GRM5: variants seen among roughly 807,000 people sequenced by gnomAD.
GRM5 encodes the protein glutamate metabotropic receptor 5, also known as metabotropic glutamate receptor 5.
A neutral mutation model predicts 83.1 loss-of-function variants in GRM5; 19 were observed. That is an observed-to-expected ratio of 0.23 (90% CI 0.16 to 0.34). The LOEUF is 0.34. Among genes scored for constraint, GRM5 ranks in the 10% least tolerant of loss-of-function variants. The pLI is 1.00. For synonymous variants in GRM5, 675 were observed against 633.6 expected (o/e 1.07, Z -0.98); for missense variants, 1,160 against 1,588.3 (o/e 0.73, Z 4.58).
At chr11:88,568,096 C>T (rs572076984) in intron 7 of GRM5, 104 bp from the exon 8 acceptor site, 1 of 663,158 alleles carries the variant, frequency 1.5e-6, no homozygotes, top group Non-Finnish European at 2.6e-6. Flanking sequence ...AGTTTGTTCC[C>T]CATCTACCTT....
intron 3 of GRM5, among the ~76,000 whole-genome samples, chr11:88,840,150 C>CT (rs1023524209): frequency 1.1e-4 from 17 of 150,706 alleles, no homozygotes; most frequent in Admixed American, 2.6e-4. Context: ...GCATTTTTGC[C>CT]TTTTTTTTTC....
chr11:88,866,330 G>A (rs556074882), intron 2 of GRM5, among the ~76,000 whole-genome samples: 12 of 151,930 alleles, frequency 7.9e-5, no homozygotes, highest in South Asian at 2.1e-4. Context: ...GCATGTTCTC[G>A]CTCATAAATG....
chr11:88,636,239 C>T (rs6483326), intron 4 of GRM5, among the ~76,000 whole-genome samples: 86,687 of 152,126 alleles, frequency 0.57, 27,894 homozygotes, highest in South Asian at 0.81. Flanking sequence ...CTGCCAGGCA[C>T]GGTGGCTCAC....
At chr11:88,842,018 AT>A (rs541107507) in intron 3 of GRM5, among the ~76,000 whole-genome samples, 381 of 152,276 alleles carry the variant, frequency 2.5e-3, no homozygotes, top group Non-Finnish European at 4.0e-3. Flanking sequence ...ACTGCAGTTA[AT>A]TTTATGCAGT....
At chr11:88,551,614 G>C (rs1942510636) in intron 8 of GRM5, among the ~76,000 whole-genome samples, 1 of 152,110 alleles carries the variant, frequency 6.6e-6, no homozygotes, top group Admixed American at 6.6e-5. Flanking sequence ...CATTTTAGTA[G>C]ATTTTAGAGC....
intron 1 of GRM5, among the ~76,000 whole-genome samples, chr11:89,057,025 TATA>T (rs1941891553): frequency 6.6e-6 from 1 of 152,218 alleles, no homozygotes; most frequent in Non-Finnish European, 1.5e-5. Flanking sequence ...ATCTACACTA[TATA>T]ATCAGATTCA....
intron 8 of GRM5, among the ~76,000 whole-genome samples, chr11:88,547,013 T>C (rs993507485): frequency 6.6e-6 from 1 of 152,144 alleles, no homozygotes; most frequent in Non-Finnish European, 1.5e-5. Flanking sequence ...AGATATATGA[T>C]ATTCAATTGT....
chr11:88,745,550 T>C (rs1014300854), intron 3 of GRM5, among the ~76,000 whole-genome samples: 6 of 152,268 alleles, frequency 3.9e-5, no homozygotes, highest in African/African-American at 1.2e-4. Context: ...GCTGAGCAGT[T>C]CGTTTGGACC....
intron 3 of GRM5, among the ~76,000 whole-genome samples, chr11:88,745,061 G>T (rs1942104981): frequency 6.6e-6 from 1 of 151,986 alleles, no homozygotes; most frequent in South Asian, 2.1e-4. Flanking sequence ...ATATACCGTA[G>T]AATTGTTAAG....
chr11:88,572,891 CAT>C (rs1268702488), intron 7 of GRM5, among the ~76,000 whole-genome samples: 1 of 152,068 alleles, frequency 6.6e-6, no homozygotes, highest in East Asian at 1.9e-4. Flanking sequence ...ATCAATTTAG[CAT>C]ATGTTATTAT....
intron 3 of GRM5, among the ~76,000 whole-genome samples, chr11:88,693,964 C>A (rs1591445029): frequency 1.3e-5 from 2 of 152,122 alleles, no homozygotes; most frequent in Non-Finnish European, 2.9e-5. Flanking sequence ...AGAAAAATGT[C>A]ATGATTAAGA....
intron 5 of GRM5, among the ~76,000 whole-genome samples, chr11:88,599,749 C>G (rs1468438856): frequency 9.9e-5 from 15 of 152,168 alleles, no homozygotes; most frequent in Admixed American, 9.8e-4. Flanking sequence ...CACGGTGGCT[C>G]ACACCTGTAA....
At chr11:88,928,917 C>CACACACAG (rs1565296608) in intron 2 of GRM5, among the ~76,000 whole-genome samples, 2 of 107,138 alleles carry the variant, frequency 1.9e-5, no homozygotes, top group African/African-American at 7.0e-5. Context: ...TACACACACA[C>CACACACAG]ACACACACAC....
chr11:88,518,723 G>A (rs1198658903), intron 9 of GRM5, among the ~76,000 whole-genome samples: 1 of 151,762 alleles, frequency 6.6e-6, no homozygotes, highest in Non-Finnish European at 1.5e-5. Flanking sequence ...TGGTATCACA[G>A]ATTTAAAATT....
rs1209420978 is a variant in GRM5 at position 88,974,397 on chromosome 11, A to ATAGG, written c.661+72814_661+72815insCCTA. Among the ~76,000 whole-genome samples, 22 of 151,966 alleles carry ATAGG rather than the reference A, an allele frequency of 1.4e-4. 1 individual carries two copies. Among genetic ancestry groups the ATAGG allele is most frequent in the African/African-American group, 5.1e-4 (21 of 41,372 alleles). On this transcript the variant is annotated intron_variant, in intron 2 of 9. Transcript: ENST00000305447. ...TAGAGATAGATAGATAGATAGATAG[A>ATAGG]TAGATAGATAGATAGATAGATAGAT...
chr11:88,822,054 C>G (rs868249880), intron 3 of GRM5, among the ~76,000 whole-genome samples: 1 of 151,976 alleles, frequency 6.6e-6, no homozygotes. Flanking sequence ...GATTACTTTC[C>G]CAGATTATTG....
At chr11:88,866,448 T>C (rs1944667150) in intron 2 of GRM5, among the ~76,000 whole-genome samples, 2 of 152,036 alleles carry the variant, frequency 1.3e-5, no homozygotes, top group South Asian at 4.1e-4. Flanking sequence ...AAATACCTAA[T>C]GTAGATGACA....
intron 3 of GRM5, among the ~76,000 whole-genome samples, chr11:88,680,531 G>T (rs1198280225): frequency 1.3e-5 from 2 of 152,126 alleles, no homozygotes; most frequent in African/African-American, 2.4e-5. Flanking sequence ...CACTGTTGTT[G>T]GGACTGTAAA....
chr11:89,008,595 T>C (rs1294708736), intron 2 of GRM5, among the ~76,000 whole-genome samples: 4 of 152,150 alleles, frequency 2.6e-5, no homozygotes, highest in African/African-American at 7.2e-5. Flanking sequence ...ATAATTGAAC[T>C]CAAAGAACAC....
Sources: allele counts gnomAD v4.1 joint callset (sites outside exome capture counted in the v4.1 genomes callset), GRCh38; gene constraint gnomAD v4.1.1; transcripts MANE v1.5; gene names NCBI Gene and HGNC (gene_info 2026-07-23, HGNC 2026-07-21).